The following RBM26 variants were observed in gnomAD, a reference collection of about 807,000 sequenced individuals.
RBM26 encodes RNA-binding protein 26.
RBM26 carries 30 observed loss-of-function variants against 123.6 expected under a neutral mutation model. The observed-to-expected ratio is 0.24, with a 90% CI of 0.18 to 0.33. The LOEUF (loss-of-function observed/expected upper bound fraction) is 0.33. Ranked by LOEUF, RBM26 falls within the 10% of genes least tolerant of loss-of-function variation. The probability of loss-of-function intolerance (pLI) is 1.00; values close to 1 mark genes in which losing one functional copy is unlikely to be tolerated. For missense variants in RBM26, 947 were observed against 1,203.6 expected (o/e 0.79, Z 3.15); for synonymous variants, 400 against 404.4 (o/e 0.99, Z 0.13).
chr13:79,363,112 G>A (rs2074894194), intron 9 of RBM26, among the ~76,000 whole-genome samples: 1 of 152,050 alleles, frequency 6.6e-6, no homozygotes, highest in South Asian at 2.1e-4. Context: ...AACTGTCAGG[G>A]CCTCTAGGTA....
chr13:79,367,968 A>G (rs1375508283), intron 6 of RBM26, among the ~76,000 whole-genome samples: 1 of 152,134 alleles, frequency 6.6e-6, no homozygotes, highest in Non-Finnish European at 1.5e-5. Flanking sequence ...GATGGCTTTA[A>G]TACTACTTAT....
intron 20 of RBM26, among the ~76,000 whole-genome samples, chr13:79,329,290 G>T (rs1047017659): frequency 1.6e-4 from 24 of 151,646 alleles, no homozygotes; most frequent in Admixed American, 5.3e-4. Context: ...CAAAGTATCA[G>T]TATGAGCTCT....
At chr13:79,336,332 A>G (rs1277216563) in intron 19 of RBM26, among the ~76,000 whole-genome samples, 1 of 152,186 alleles carries the variant, frequency 6.6e-6, no homozygotes, top group Admixed American at 6.5e-5. Context: ...TCTGTAGTTT[A>G]TTCTGTGTTA....
At chr13:79,317,726 T>C (rs1197255204), downstream of RBM26, among the ~76,000 whole-genome samples, 2 of 151,780 alleles carry the variant, frequency 1.3e-5, no homozygotes, top group Non-Finnish European at 3.0e-5. Context: ...CATATGTGTA[T>C]ACCTCCATCA....
At chr13:79,371,753 C>T (rs995330744) in intron 4 of RBM26, 89 bp downstream of exon 4, 33 of 867,658 alleles carry the variant, frequency 3.8e-5, no homozygotes, top group Non-Finnish European at 6.2e-5. Flanking sequence ...ATATTACTTG[C>T]CTCTGCGTAA....
chr13:79,317,174 G>C (rs887705166), downstream of RBM26, among the ~76,000 whole-genome samples: 1 of 151,698 alleles, frequency 6.6e-6, no homozygotes, highest in African/African-American at 2.4e-5. Context: ...TTTATAGGCT[G>C]AATGTAATTT....
At chr13:79,393,620 AG>A in intron 1 of RBM26, among the ~76,000 whole-genome samples, 1 of 152,178 alleles carries the variant, frequency 6.6e-6, no homozygotes, top group South Asian at 2.1e-4. Context: ...ACCCCCATAC[AG>A]TTTTCTTCTC....
rs989614542 is a variant in RBM26, at chr13:79,405,616, C to G, written c.71+88G>C. 9.2e-6 allele frequency: 8 copies of G among 870,130 alleles called. No homozygotes were observed. The African/African-American group carries it at 1.2e-4, about 13-fold the overall frequency. The allele number at this position is 870,130 out of a possible 1,614,324, so 53.9% of individuals were successfully genotyped here. ...CTCCGTTCACCGCTTCGGCCTCCAC[C>G]GCAGGCACTTGGGGAAACTGCACAG... On this transcript the variant is annotated intron_variant, in intron 1 of 21. Coordinates refer to ENST00000438737, the MANE Select transcript of RBM26 (RefSeq NM_001366735.2).
At chr13:79,351,828 T>C (rs1370351910) in intron 14 of RBM26, among the ~76,000 whole-genome samples, 1 of 152,004 alleles carries the variant, frequency 6.6e-6, no homozygotes, top group East Asian at 1.9e-4. Flanking sequence ...AACGCCAAAA[T>C]AAGTCTGAGT....
At chr13:79,363,376 G>C (rs892384991) in intron 9 of RBM26, among the ~76,000 whole-genome samples, 1 of 152,126 alleles carries the variant, frequency 6.6e-6, no homozygotes, top group Admixed American at 6.5e-5. Flanking sequence ...ACTGGGAATA[G>C]ATGAGAACAC....
chr13:79,384,863 A>G (rs1371325363), intron 1 of RBM26, among the ~76,000 whole-genome samples: 1 of 152,198 alleles, frequency 6.6e-6, no homozygotes, highest in Non-Finnish European at 1.5e-5. Flanking sequence ...AACAGTAATG[A>G]GACCGTAAAG....
At chr13:79,396,181 C>T (rs764474742) in intron 1 of RBM26, among the ~76,000 whole-genome samples, 1 of 151,786 alleles carries the variant, frequency 6.6e-6, no homozygotes, top group Non-Finnish European at 1.5e-5. Context: ...GGCAATGGAA[C>T]AATATCATAA....
At chr13:79,325,130 A>C (rs553375195) in intron 20 of RBM26, among the ~76,000 whole-genome samples, 2 of 152,146 alleles carry the variant, frequency 1.3e-5, no homozygotes, top group Admixed American at 6.6e-5. Flanking sequence ...CAGTCATATA[A>C]AAGTATGGCA....
Position 79,405,975 on chromosome 13 carries a change from A to G in RBM26, c.-201T>C. The G allele has an allele frequency of 3.1e-6, 1 of 322,918 alleles. No individual in the cohort carries two copies. The highest frequency in any genetic ancestry group is 5.6e-6 in the Non-Finnish European group (1 of 178,578). The allele number at this position is 322,918 out of a possible 1,614,324, so 20.0% of individuals were successfully genotyped here. On this transcript the variant is annotated 5_prime_UTR_variant, in exon 1 of 22. Coordinates refer to ENST00000438737, the MANE Select transcript of RBM26 (RefSeq NM_001366735.2). ...GGCCACAAGTGCACGGGGTGCCAGGAGCTCCCCGTCCCCGGCCCCCAGCCC... is the reference window on the plus strand; with the variant it reads ...GGCCACAAGTGCACGGGGTGCCAGGGGCTCCCCGTCCCCGGCCCCCAGCCC...
At chr13:79,334,673 T>C (rs1401933461) in intron 19 of RBM26, among the ~76,000 whole-genome samples, 1 of 152,124 alleles carries the variant, frequency 6.6e-6, no homozygotes, top group African/African-American at 2.4e-5. Context: ...TTATACTCAA[T>C]TGAACTATGC....
chr13:79,338,989 T>C (rs1379746730), intron 18 of RBM26, among the ~76,000 whole-genome samples: 5 of 152,148 alleles, frequency 3.3e-5, no homozygotes, highest in African/African-American at 1.2e-4. Context: ...ATTTTGAAGA[T>C]GTTGAGTCTT....
chr13:79,359,151 C>T (rs1360753869), intron 10 of RBM26, among the ~76,000 whole-genome samples: 5 of 152,118 alleles, frequency 3.3e-5, no homozygotes, highest in Non-Finnish European at 7.4e-5. Flanking sequence ...CATTCAATGC[C>T]TAGACAGCCT....
chr13:79,336,222 C>G (rs1269842515), intron 19 of RBM26, among the ~76,000 whole-genome samples: 6 of 152,026 alleles, frequency 3.9e-5, no homozygotes, highest in Non-Finnish European at 7.4e-5. Context: ...TGAAACTTTC[C>G]TCTATTGTTC....
chr13:79,390,558 T>C (rs919228563), intron 1 of RBM26, among the ~76,000 whole-genome samples: 2 of 152,170 alleles, frequency 1.3e-5, no homozygotes, highest in African/African-American at 4.8e-5. Context: ...ATGGTACACT[T>C]AAGATCTGTG....
Sources: allele counts gnomAD v4.1 joint callset (sites outside exome capture counted in the v4.1 genomes callset), GRCh38; gene constraint gnomAD v4.1.1; transcripts MANE v1.5; gene names NCBI Gene and HGNC (gene_info 2026-07-23, HGNC 2026-07-21).